The following GRIP1 variants were observed in gnomAD, a reference collection of about 807,000 sequenced individuals.
GRIP1 encodes glutamate receptor-interacting protein 1.
GRIP1 carries 45 observed loss-of-function variants against 129.9 expected under a neutral mutation model. The observed-to-expected ratio is 0.35, with a 90% CI of 0.27 to 0.44. The LOEUF (loss-of-function observed/expected upper bound fraction) is 0.44. GRIP1 is among the 20% of genes least tolerant of loss of function. The pLI is 1.00. For missense variants in GRIP1, 1,196 were observed against 1,396.8 expected (o/e 0.86, Z 2.29); for synonymous variants, 530 against 520.8 (o/e 1.02, Z -0.24).
At chr12:66,629,847 T>C (rs2030547033) in intron 1 of GRIP1, among the ~76,000 whole-genome samples, 1 of 152,198 alleles carries the variant, frequency 6.6e-6, no homozygotes, top group Admixed American at 6.5e-5. Flanking sequence ...TATGTCAAGA[T>C]TCTAGTTTCA....
rs559335181 is a variant in GRIP1, at chr12:66,924,262, ATCT to A, written c.58+144785_58+144787del. Among the ~76,000 whole-genome samples the A allele has an allele frequency of 6.6e-4, 101 of 152,340 alleles. 2 individuals carry two copies. The highest frequency in any genetic ancestry group is 2.2e-3 in the African/African-American group (91 of 41,568). On this transcript the variant is annotated intron_variant, in intron 1 of 1. Coordinates refer to the GRIP1 transcript ENST00000643019. ...ACTATATTTAAGTCTATATCATCATATCTGTCAATATCACCACAATGCAAAGAG... is the reference window on the plus strand; with the variant it reads ...ACTATATTTAAGTCTATATCATCATAGTCAATATCACCACAATGCAAAGAG...
intron 1 of GRIP1, among the ~76,000 whole-genome samples, chr12:66,746,410 C>T (rs1473965127): frequency 6.6e-6 from 1 of 152,184 alleles, no homozygotes; most frequent in East Asian, 1.9e-4. Context: ...TTAGGTGGCA[C>T]TTCAGACCTG....
chr12:66,917,947 A>AACACACACACAC (rs58387290), intron 1 of GRIP1, among the ~76,000 whole-genome samples: 1 of 147,532 alleles, frequency 6.8e-6, no homozygotes, highest in Non-Finnish European at 1.5e-5. Flanking sequence ...GAGATGTATA[A>AACACACACACAC]ACACACACAC....
At chr12:66,699,718 C>T (rs2035285322) in intron 1 of GRIP1, among the ~76,000 whole-genome samples, 1 of 152,176 alleles carries the variant, frequency 6.6e-6, no homozygotes, top group African/African-American at 2.4e-5. Flanking sequence ...CAAAATATCT[C>T]CTTTGTTACT....
rs547767392 is a variant in GRIP1 at position 67,052,352 on chromosome 12, G to A, written c.58+16698C>T. 1.4e-3 allele frequency among the ~76,000 whole-genome samples: 206 copies of A among 152,216 alleles called. 1 individual carries two copies. The South Asian group carries it at 0.018, about 13-fold the overall frequency. ...GTAATAACAAGAAAACCTGGACATT[G>A]TTTTGTATAGGATCTTGTAATTACT... On this transcript the variant is annotated intron_variant, in intron 1 of 1. Transcript: ENST00000643019.
chr12:66,653,100 T>C (rs184944343), intron 1 of GRIP1, among the ~76,000 whole-genome samples: 15 of 152,356 alleles, frequency 9.8e-5, no homozygotes, highest in Admixed American at 9.8e-4. Context: ...GATGGCTTTG[T>C]TGCTCTTGGT....
chr12:67,065,628 A>T (rs181173233), intron 1 of GRIP1, among the ~76,000 whole-genome samples: 6 of 152,338 alleles, frequency 3.9e-5, no homozygotes, highest in Admixed American at 3.9e-4. Flanking sequence ...ATGTTTGCAG[A>T]AACAGATAAT....
intron 1 of GRIP1, among the ~76,000 whole-genome samples, chr12:66,900,663 C>G (rs777640615): frequency 6.6e-6 from 1 of 151,806 alleles, no homozygotes; most frequent in Admixed American, 6.6e-5. Flanking sequence ...ACATTTCAGG[C>G]AAAAAGAGGA....
At chr12:66,918,001 T>C (rs2041155306) in intron 1 of GRIP1, among the ~76,000 whole-genome samples, 1 of 151,206 alleles carries the variant, frequency 6.6e-6, no homozygotes, top group Non-Finnish European at 1.5e-5. Context: ...GAGAGACTTA[T>C]AAGAAATTGG....
chr12:66,427,335 G>A (rs552106300), intron 14 of GRIP1, among the ~76,000 whole-genome samples: 2 of 152,006 alleles, frequency 1.3e-5, no homozygotes, highest in East Asian at 3.9e-4. Flanking sequence ...AGAAGTAAAG[G>A]CTTGTGTTCA....
At chr12:66,350,073 G>A (rs561424149) in intron 24 of GRIP1, among the ~76,000 whole-genome samples, 1 of 151,954 alleles carries the variant, frequency 6.6e-6, no homozygotes, top group Admixed American at 6.6e-5. Flanking sequence ...AGCATTTGCC[G>A]CTCGTGACAC....
At position 66,520,979 on chromosome 12, in the gene GRIP1, T is replaced by A. The variant is rs17102627; in HGVS notation, c.503-3003A>T. On this transcript the variant is annotated intron_variant, in intron 5 of 24. Coordinates refer to ENST00000359742, the MANE Select transcript of GRIP1 (RefSeq NM_001366722.1). Reference sequence around the variant, plus strand: ...TTACTTGTACAGTGACTTTTCACTATATTCATCTAGTTATTTTAAACAGAA... The same window carrying A: ...TTACTTGTACAGTGACTTTTCACTAAATTCATCTAGTTATTTTAAACAGAA... Among the ~76,000 whole-genome samples the A allele has an allele frequency of 7.4e-3, 1,125 of 152,344 alleles. 13 individuals carry two copies. Among genetic ancestry groups the A allele is most frequent in the African/African-American group, 0.025 (1,060 of 41,584 alleles).
intron 1 of GRIP1, among the ~76,000 whole-genome samples, chr12:66,903,810 T>C (rs1399426428): frequency 6.6e-6 from 1 of 152,180 alleles, no homozygotes; most frequent in Non-Finnish European, 1.5e-5. Context: ...TAATTAGATA[T>C]CACCAAAGGC....
intron 19 of GRIP1, among the ~76,000 whole-genome samples, chr12:66,383,016 G>A (rs1362631477): frequency 2.6e-5 from 4 of 152,084 alleles, no homozygotes; most frequent in Non-Finnish European, 5.9e-5. Flanking sequence ...GACAGTACAT[G>A]GTGGGCACAG....
intron 23 of GRIP1, among the ~76,000 whole-genome samples, chr12:66,370,035 T>TGG (rs1450663852): frequency 6.6e-6 from 1 of 152,222 alleles, no homozygotes; most frequent in Non-Finnish European, 1.5e-5. Flanking sequence ...TTCTAGACTC[T>TGG]GGTCATGTTA....
chr12:66,992,662 CA>C (rs2042410622), intron 1 of GRIP1, among the ~76,000 whole-genome samples: 1 of 152,116 alleles, frequency 6.6e-6, no homozygotes, highest in South Asian at 2.1e-4. Context: ...TATGGTAGGC[CA>C]TAAAACAATC....
At chr12:66,543,322 TAA>T (rs151125889) in intron 2 of GRIP1, among the ~76,000 whole-genome samples, 1,832 of 152,266 alleles carry the variant, frequency 0.012, 42 homozygotes, top group East Asian at 0.1. Flanking sequence ...ACTGTATACA[TAA>T]GTCATTATCG....
chr12:66,881,307 G>A (rs778018719), intron 1 of GRIP1, among the ~76,000 whole-genome samples: 4 of 152,140 alleles, frequency 2.6e-5, no homozygotes, highest in Admixed American at 6.6e-5. Flanking sequence ...GTAAAGATGC[G>A]ATGTGAGGTT....
At chr12:66,746,537 A>G (rs1289153208) in intron 1 of GRIP1, among the ~76,000 whole-genome samples, 2 of 152,124 alleles carry the variant, frequency 1.3e-5, no homozygotes, top group Non-Finnish European at 2.9e-5. Flanking sequence ...AAGGGCAAGA[A>G]AGCTGTTGTT....
Sources: gnomAD v4.1 joint callset for allele counts (sites outside exome capture counted in the v4.1 genomes callset) on GRCh38, gnomAD v4.1.1 for gene constraint, MANE v1.5 for transcripts, NCBI Gene and HGNC (gene_info 2026-07-23, HGNC 2026-07-21) for gene names.